BMPR1B: variants seen among roughly 807,000 people sequenced by gnomAD.
BMPR1B encodes bone morphogenetic protein receptor type-1B.
BMPR1B carries 12 observed loss-of-function variants against 59.1 expected under a neutral mutation model. That is an observed-to-expected ratio of 0.20 (90% CI 0.13 to 0.33). BMPR1B has a LOEUF of 0.33. Ranked by LOEUF, BMPR1B falls within the 10% of genes least tolerant of loss-of-function variation. The pLI, the probability that BMPR1B is intolerant of heterozygous loss-of-function variation, is 1.00. For missense variants in BMPR1B, 550 were observed against 610.9 expected (o/e 0.90, Z 1.05); for synonymous variants, 237 against 207.3 (o/e 1.14, Z -1.23).
At chr4:94,889,860 A>G (rs1260619968) in intron 2 of BMPR1B, among the ~76,000 whole-genome samples, 1 of 152,060 alleles carries the variant, frequency 6.6e-6, no homozygotes, top group Non-Finnish European at 1.5e-5. Context: ...AGGAGGAAGA[A>G]GAAGTAAACA....
intron 7 of BMPR1B, 147 bp from the exon 8 acceptor site, chr4:95,124,836 C>A: frequency 2.7e-6 from 2 of 738,168 alleles, no homozygotes; most frequent in Non-Finnish European, 4.4e-6. Context: ...CTTGGGAAAC[C>A]ATAACTAAGA....
intron 3 of BMPR1B, among the ~76,000 whole-genome samples, chr4:95,087,412 T>C (rs140156465): frequency 1.6e-4 from 24 of 152,240 alleles, no homozygotes; most frequent in African/African-American, 5.8e-4. Flanking sequence ...GCACTCGTGT[T>C]TTCTTCTTGA....
Position 95,154,755 on chromosome 4 carries a change from G to A in BMPR1B, c.*82G>A. 2 of 1,575,998 alleles carry A rather than the reference G, an allele frequency of 1.3e-6. No homozygotes were observed. The highest frequency in any genetic ancestry group is 1.7e-6 in the Non-Finnish European group (2 of 1,147,886). ...GGGCAGAGCAAAAGACATCAAATAA[G>A]CATCCACAGTACAAGCCTTGAACAT... is the stretch of plus-strand genomic sequence containing the variant. On this transcript the variant is annotated 3_prime_UTR_variant, in exon 13 of 13. Transcript: ENST00000515059.
chr4:95,054,152 G>T (rs1308697161), intron 3 of BMPR1B, among the ~76,000 whole-genome samples: 2 of 152,138 alleles, frequency 1.3e-5, no homozygotes, highest in Non-Finnish European at 2.9e-5. Context: ...AAAATATTTT[G>T]TTAAATATAT....
chr4:94,987,674 A>G (rs1390779024), intron 2 of BMPR1B, among the ~76,000 whole-genome samples: 1 of 152,086 alleles, frequency 6.6e-6, no homozygotes. Flanking sequence ...GGATGGTTTC[A>G]GGACCACTTT....
intron 1 of BMPR1B, among the ~76,000 whole-genome samples, chr4:94,847,825 G>A (rs2148943495): frequency 6.6e-6 from 1 of 152,182 alleles, no homozygotes; most frequent in East Asian, 1.9e-4. Flanking sequence ...GGCAAGTAAG[G>A]ATGGGTAAAG....
intron 1 of BMPR1B, among the ~76,000 whole-genome samples, chr4:94,760,699 C>T (rs1721728899): frequency 6.6e-6 from 1 of 152,182 alleles, no homozygotes; most frequent in African/African-American, 2.4e-5. Context: ...CTTGGCGCTT[C>T]CTTGTTGGAC....
intron 1 of BMPR1B, among the ~76,000 whole-genome samples, chr4:94,778,114 A>T (rs1319713901): frequency 1.3e-5 from 2 of 152,168 alleles, no homozygotes; most frequent in African/African-American, 4.8e-5. Context: ...TAAATAGAGT[A>T]AATGCTTGTA....
chr4:95,008,509 G>A (rs149242323), intron 3 of BMPR1B, among the ~76,000 whole-genome samples: 290 of 152,230 alleles, frequency 1.9e-3, no homozygotes, highest in Admixed American at 5.0e-3. Flanking sequence ...ACCTCATTCC[G>A]TAAGCAGAAG....
chr4:95,015,717 A>G (rs1359751107), intron 3 of BMPR1B, among the ~76,000 whole-genome samples: 1 of 149,136 alleles, frequency 6.7e-6, no homozygotes, highest in East Asian at 2.0e-4. Flanking sequence ...TTTTTGAGAC[A>G]GAGTCTCACT....
chr4:94,834,808 G>A (rs1303026861), intron 1 of BMPR1B, among the ~76,000 whole-genome samples: 2 of 152,240 alleles, frequency 1.3e-5, no homozygotes, highest in Admixed American at 1.3e-4. Flanking sequence ...GGAAATGGCA[G>A]TGCCTACTTT....
At chr4:95,129,421 A>G (rs886295415) in intron 8 of BMPR1B, among the ~76,000 whole-genome samples, 3 of 151,268 alleles carry the variant, frequency 2.0e-5, no homozygotes, top group African/African-American at 4.9e-5. Context: ...CTCCCTGCAT[A>G]TAGATTTCCT....
At chr4:94,885,094 A>G (rs1241109652) in intron 2 of BMPR1B, among the ~76,000 whole-genome samples, 22 of 152,168 alleles carry the variant, frequency 1.4e-4, no homozygotes, top group Admixed American at 1.4e-3. Context: ...TTAAGACAGA[A>G]CAGCCAACAT....
At chr4:94,898,545 G>C (rs945678770) in intron 2 of BMPR1B, among the ~76,000 whole-genome samples, 1 of 151,932 alleles carries the variant, frequency 6.6e-6, no homozygotes, top group Non-Finnish European at 1.5e-5. Flanking sequence ...TCTTTTTCCT[G>C]CCACCATGTG....
intron 6 of BMPR1B, among the ~76,000 whole-genome samples, chr4:95,116,148 A>C (rs1732015404): frequency 6.6e-6 from 1 of 152,154 alleles, no homozygotes; most frequent in African/African-American, 2.4e-5. Flanking sequence ...TATTTATTTT[A>C]AAAGTAAAGA....
chr4:94,815,330 C>A (rs964981849), intron 1 of BMPR1B, among the ~76,000 whole-genome samples: 1 of 151,958 alleles, frequency 6.6e-6, no homozygotes, highest in Admixed American at 6.6e-5. Flanking sequence ...TTGGTCATAT[C>A]CTTGTTGATG....
intron 3 of BMPR1B, among the ~76,000 whole-genome samples, chr4:95,000,910 T>C (rs1722400819): frequency 6.6e-6 from 1 of 152,134 alleles, no homozygotes; most frequent in Non-Finnish European, 1.5e-5. Context: ...GGCATATAAT[T>C]CATAGAGCCT....
intron 2 of BMPR1B, among the ~76,000 whole-genome samples, chr4:94,925,539 A>G (rs1004781507): frequency 3.3e-5 from 5 of 152,140 alleles, no homozygotes; most frequent in African/African-American, 9.7e-5. Context: ...AAAATTTGTG[A>G]CTTTCACAAA....
intron 1 of BMPR1B, among the ~76,000 whole-genome samples, chr4:94,868,282 C>A (rs989412858): frequency 2.0e-4 from 30 of 152,080 alleles, no homozygotes; most frequent in African/African-American, 7.0e-4. Flanking sequence ...GATTCTCCTG[C>A]CTCAGCCTCC....
Sources: allele counts gnomAD v4.1 joint callset (sites outside exome capture counted in the v4.1 genomes callset), GRCh38; gene constraint gnomAD v4.1.1; transcripts MANE v1.5; gene names NCBI Gene and HGNC (gene_info 2026-07-23, HGNC 2026-07-21).